Variants in GUCY1A1 observed in about 807,000 individuals in gnomAD.
GUCY1A1 encodes the protein guanylate cyclase 1 soluble subunit alpha 1.
A neutral mutation model predicts 64.5 loss-of-function variants in GUCY1A1; 48 were observed. The ratio of observed to expected loss-of-function variants is 0.74; its 90% CI spans 0.59 to 0.95. GUCY1A1 has a LOEUF of 0.95. Ranked by LOEUF, GUCY1A1 falls within the 40% of genes least tolerant of loss-of-function variation. The probability of loss-of-function intolerance (pLI) is 0.00; values close to 1 mark genes in which losing one functional copy is unlikely to be tolerated. For missense variants in GUCY1A1, 804 were observed against 825.3 expected, an observed-to-expected ratio of 0.97 and a Z score of 0.32; for synonymous variants, 308 against 303.4, an observed-to-expected ratio of 1.02 and a Z score of -0.16.
chr4:155,716,259 G>C (rs1265684461), intron 7 of GUCY1A1, among the ~76,000 whole-genome samples: 3 of 152,132 alleles, frequency 2.0e-5, no homozygotes. Context: ...CTGAAGATTT[G>C]TGCCTCCTTT....
chr4:155,722,319 A>G lies in GUCY1A1; in HGVS notation c.1871+127A>G, dbSNP rs1032460417. On this transcript the variant is annotated intron_variant, in intron 9 of 9. Coordinates refer to ENST00000506455, the MANE Select transcript of GUCY1A1 (RefSeq NM_001130682.3). Reference sequence around the variant, plus strand: ...TAGTCGTAAGGAAAAAAGAAACGTGATAACTTTTATCATCCTCACTTTAAC... The same window carrying G: ...TAGTCGTAAGGAAAAAAGAAACGTGGTAACTTTTATCATCCTCACTTTAAC... The G allele has an allele frequency of 1.4e-5, 21 of 1,449,810 alleles. 1 individual carries two copies. In the East Asian group the frequency reaches 4.7e-4, roughly 33 times the overall value. 89.8% of individuals were successfully genotyped at this position (1,449,810 alleles called of 1,614,324 possible).
At position 155,735,911 on chromosome 4, in the gene GUCY1A1, T is replaced by C. The variant is rs1284471360; in HGVS notation, c.*5680T>C. Reference sequence around the variant, plus strand: ...AATCATTCCCAGTGATACAGGGATGTGCAGCATCCAGACACTGCTTAATCA... The same window carrying C: ...AATCATTCCCAGTGATACAGGGATGCGCAGCATCCAGACACTGCTTAATCA... On this transcript the variant is annotated 3_prime_UTR_variant, in exon 10 of 10. Coordinates refer to ENST00000506455, the MANE Select transcript of GUCY1A1 (RefSeq NM_001130682.3). 1 of 151,972 alleles carries C rather than the reference T, an allele frequency of 6.6e-6. No individual in the cohort carries two copies. The highest frequency in any genetic ancestry group is 1.9e-4 in the East Asian group (1 of 5,170). 9.4% of individuals were successfully genotyped at this position (151,972 alleles called of 1,614,324 possible).
chr4:155,701,778 G>C lies in GUCY1A1; in HGVS notation c.256-2154G>C, dbSNP rs571317495. ...GTGATCACCACTGCACTCCAGCCTGGATGACAGAGCAAAACTCTATATCCA... is the reference window on the plus strand; with the variant it reads ...GTGATCACCACTGCACTCCAGCCTGCATGACAGAGCAAAACTCTATATCCA... On this transcript the variant is annotated intron_variant, in intron 3 of 9. Coordinates refer to ENST00000506455, the MANE Select transcript of GUCY1A1 (RefSeq NM_001130682.3). Among the ~76,000 whole-genome samples the C allele has an allele frequency of 9.1e-4, 131 of 143,988 alleles. 1 individual carries two copies. Among genetic ancestry groups the C allele is most frequent in the African/African-American group, 3.2e-3 (126 of 39,010 alleles). 94.5% of individuals were successfully genotyped at this position (143,988 alleles called of 152,430 possible).
chr4:155,699,427 G>A (rs1730809762), intron 3 of GUCY1A1, among the ~76,000 whole-genome samples: 1 of 152,048 alleles, frequency 6.6e-6, no homozygotes, highest in Admixed American at 6.6e-5. Context: ...AATTAAAATT[G>A]TATATAAAAA....
intron 2 of GUCY1A1, among the ~76,000 whole-genome samples, chr4:155,668,357 G>A (rs892509242): frequency 6.6e-6 from 1 of 152,220 alleles, no homozygotes; most frequent in African/African-American, 2.4e-5. Flanking sequence ...ATGACTGGTT[G>A]AAGGCATCTT....
At chr4:155,673,149 TTC>T (rs1311151153) in intron 2 of GUCY1A1, among the ~76,000 whole-genome samples, 4 of 147,700 alleles carry the variant, frequency 2.7e-5, no homozygotes, top group Admixed American at 6.6e-5. Flanking sequence ...AGGACATTTT[TTC>T]TTTTTTTTAT....
chr4:155,698,021 C>T (rs959185324), intron 3 of GUCY1A1, among the ~76,000 whole-genome samples: 8 of 152,144 alleles, frequency 5.3e-5, no homozygotes, highest in African/African-American at 1.9e-4. Context: ...CAATACCAAC[C>T]CTCTACTGTG....
intron 3 of GUCY1A1, among the ~76,000 whole-genome samples, chr4:155,698,331 A>C (rs987001123): frequency 1.3e-5 from 2 of 152,210 alleles, no homozygotes; most frequent in African/African-American, 4.8e-5. Flanking sequence ...TGAAATGGAA[A>C]TGTTTAATTA....
intron 2 of GUCY1A1, among the ~76,000 whole-genome samples, chr4:155,671,041 CCTT>C (rs1734082371): frequency 6.6e-6 from 1 of 152,246 alleles, no homozygotes; most frequent in African/African-American, 2.4e-5. Context: ...ACTCAAATCT[CCTT>C]CACGGTATCC....
chr4:155,683,208 T>G (rs746543645), intron 2 of GUCY1A1, among the ~76,000 whole-genome samples: 1 of 152,080 alleles, frequency 6.6e-6, no homozygotes, highest in South Asian at 2.1e-4. Flanking sequence ...TCACTTTTTC[T>G]GAAAAAAGTT....
intron 1 of GUCY1A1, 126 bp from the exon 2 acceptor site, chr4:155,667,220 C>T (rs540218895): frequency 6.6e-6 from 1 of 152,010 alleles, no homozygotes; most frequent in African/African-American, 2.4e-5. Flanking sequence ...GCGACCCAAG[C>T]GTAAGTGCCG....
At chr4:155,726,957 A>G (rs1734771149) in intron 9 of GUCY1A1, among the ~76,000 whole-genome samples, 1 of 152,066 alleles carries the variant, frequency 6.6e-6, no homozygotes, top group South Asian at 2.1e-4. Flanking sequence ...GGGAGGATAC[A>G]TGGATGCTGT....
chr4:155,686,563 T>A (rs980957253), intron 2 of GUCY1A1, among the ~76,000 whole-genome samples: 2 of 152,242 alleles, frequency 1.3e-5, no homozygotes, highest in African/African-American at 4.8e-5. Context: ...ATTCCTTGTA[T>A]AACAAATACT....
chr4:155,728,651 T>G (rs6844366), intron 9 of GUCY1A1, among the ~76,000 whole-genome samples: 2 of 151,656 alleles, frequency 1.3e-5, no homozygotes, highest in Non-Finnish European at 3.0e-5. Flanking sequence ...GCTCCACCAG[T>G]AGTGTATGAA....
chr4:155,682,446 C>T (rs1291413906), intron 2 of GUCY1A1, among the ~76,000 whole-genome samples: 1 of 151,948 alleles, frequency 6.6e-6, no homozygotes, highest in Non-Finnish European at 1.5e-5. Context: ...GGAGGCTGAG[C>T]GGGGCGGATC....
At chr4:155,714,271 CA>C (rs756490530) in intron 7 of GUCY1A1, among the ~76,000 whole-genome samples, 4 of 152,194 alleles carry the variant, frequency 2.6e-5, no homozygotes, top group Non-Finnish European at 5.9e-5. Context: ...TATTCACTCA[CA>C]GAGTTTATAT....
chr4:155,689,566 A>T (rs1489197865), intron 2 of GUCY1A1, among the ~76,000 whole-genome samples: 4 of 152,218 alleles, frequency 2.6e-5, no homozygotes, highest in Non-Finnish European at 5.9e-5. Context: ...ATAAAAACTG[A>T]GAAACAAAAT....
At chr4:155,685,302 A>G (rs1728827600) in intron 2 of GUCY1A1, among the ~76,000 whole-genome samples, 1 of 152,240 alleles carries the variant, frequency 6.6e-6, no homozygotes, top group African/African-American at 2.4e-5. Flanking sequence ...CAAGGACAAG[A>G]TAGTAGCTAC....
intron 8 of GUCY1A1, among the ~76,000 whole-genome samples, chr4:155,721,574 A>G (rs1333489908): frequency 6.6e-6 from 1 of 152,140 alleles, no homozygotes; most frequent in East Asian, 1.9e-4. Flanking sequence ...ATTTTGAGGT[A>G]AAATGTCTAA....
Sources: gnomAD v4.1 joint callset for allele counts (sites outside exome capture counted in the v4.1 genomes callset) on GRCh38, gnomAD v4.1.1 for gene constraint, MANE v1.5 for transcripts, NCBI Gene and HGNC (gene_info 2026-07-23, HGNC 2026-07-21) for gene names.